The following KATNAL1 variants were observed in gnomAD, a reference collection of about 807,000 sequenced individuals.
KATNAL1 encodes katanin p60 ATPase-containing subunit A-like 1.
Under a neutral mutation model 55.2 loss-of-function variants are expected in KATNAL1, and 32 were observed. That is an observed-to-expected ratio of 0.58 (90% confidence interval 0.44 to 0.78). The LOEUF is 0.78. Ranked by LOEUF, KATNAL1 falls within the 30% of genes least tolerant of loss-of-function variation. The pLI, the probability that KATNAL1 is intolerant of heterozygous loss-of-function variation, is 0.00. For missense variants in KATNAL1, 466 were observed against 600.9 expected, an observed-to-expected ratio of 0.78 and a Z score of 2.35; for synonymous variants, 193 against 193.6, an observed-to-expected ratio of 1.00 and a Z score of 0.02.
At chr13:30,270,849 A>G (rs1357580125) in intron 3 of KATNAL1, among the ~76,000 whole-genome samples, 3 of 151,000 alleles carry the variant, frequency 2.0e-5, no homozygotes, top group Non-Finnish European at 4.4e-5. Context: ...CCTTCCCTCC[A>G]CTATTGTCCT....
chr13:30,273,225 G>A (rs1219929263), intron 3 of KATNAL1, among the ~76,000 whole-genome samples: 2 of 152,086 alleles, frequency 1.3e-5, no homozygotes, highest in Non-Finnish European at 2.9e-5. Flanking sequence ...CACTTTCCTG[G>A]CTCCCTTTTT....
chr13:30,293,423 A>G (rs976696609), intron 1 of KATNAL1, among the ~76,000 whole-genome samples: 41 of 152,204 alleles, frequency 2.7e-4, no homozygotes, highest in African/African-American at 9.4e-4. Context: ...AATACAGAAC[A>G]CTTCCAACTC....
At chr13:30,225,269 C>T (rs1176801256) in intron 9 of KATNAL1, among the ~76,000 whole-genome samples, 5 of 152,100 alleles carry the variant, frequency 3.3e-5, no homozygotes, top group African/African-American at 9.7e-5. Context: ...CCTAAGTGCC[C>T]TCCTTACTGA....
intron 6 of KATNAL1, among the ~76,000 whole-genome samples, chr13:30,240,100 T>C (rs1877112204): frequency 6.6e-6 from 1 of 150,930 alleles, no homozygotes; most frequent in Non-Finnish European, 1.5e-5. Context: ...TTCCAACTTT[T>C]GAAAACTGTT....
Position 30,283,669 on chromosome 13 carries a change from G to T in KATNAL1, c.109C>A (p.Gln37Lys). Residue 37 changes from glutamine (Q) to lysine (K), a missense_variant, in exon 2 of 11, where the codon CAG becomes AAG. By Grantham distance (53) the Gln-to-Lys change is moderately conservative. This residue lies in a region of KATNAL1 where 248 missense variants were observed against 275.5 expected (regional missense o/e 0.90). Transcript: ENST00000380615. ...VYYQGVMQQI[Q>K]RHCQSVRDPA... ...TCTCTGACTGACTGGCAATGTCTCT[G>T]AATCTGCTGCATCACCCCCTGGTAA... The T allele has an allele frequency of 6.2e-7, 1 of 1,613,832 alleles. No homozygotes were observed. Among genetic ancestry groups the T allele is most frequent in the Admixed American group, 1.7e-5 (1 of 60,000 alleles).
chr13:30,294,565 A>T (rs567036164), intron 1 of KATNAL1, among the ~76,000 whole-genome samples: 53 of 152,380 alleles, frequency 3.5e-4, no homozygotes, highest in African/African-American at 1.2e-3. Context: ...TCCATAACAC[A>T]AAAGTGCAAG....
chr13:30,224,850 T>C (rs974318687), intron 9 of KATNAL1, among the ~76,000 whole-genome samples: 4 of 152,196 alleles, frequency 2.6e-5, no homozygotes, highest in Non-Finnish European at 4.4e-5. Flanking sequence ...ATTTGTATTA[T>C]GCCAACTTAA....
intron 2 of KATNAL1, chr13:30,281,717 T>C (rs1881352302): frequency 6.6e-6 from 1 of 152,214 alleles, no homozygotes; most frequent in African/African-American, 2.4e-5. Flanking sequence ...CACTTGACTT[T>C]GTACTTTTAA....
At chr13:30,239,517 T>G (rs1877037181) in intron 6 of KATNAL1, among the ~76,000 whole-genome samples, 1 of 152,218 alleles carries the variant, frequency 6.6e-6, no homozygotes, top group African/African-American at 2.4e-5. Context: ...ATAGTTCTAT[T>G]CAAGAATTTT....
chr13:30,272,166 G>A lies in KATNAL1; in HGVS notation c.323+7897C>T, dbSNP rs183958194. Among the ~76,000 whole-genome samples the A allele has an allele frequency of 5.5e-4, 84 of 152,256 alleles. No homozygotes were observed. The East Asian group carries it at 0.014, about 25-fold the overall frequency. On this transcript the variant is annotated intron_variant, in intron 3 of 10. Coordinates refer to ENST00000380615, the MANE Select transcript of KATNAL1 (RefSeq NM_032116.5). The stretch of plus-strand genomic sequence containing the variant: ...TATAATCCCAGCACTTTGGGAGGCC[G>A]AGGCGGGCAGATCATGAGGTCAGGA...
chr13:30,301,842 A>G (rs1593192512), intron 1 of KATNAL1, among the ~76,000 whole-genome samples: 1 of 152,292 alleles, frequency 6.6e-6, no homozygotes, highest in South Asian at 2.1e-4. Flanking sequence ...CATCTGCTTC[A>G]TATTACTGTA....
chr13:30,295,438 A>G (rs1208437458), intron 1 of KATNAL1, among the ~76,000 whole-genome samples: 2 of 152,230 alleles, frequency 1.3e-5, no homozygotes, highest in African/African-American at 4.8e-5. Context: ...TGGAGCTTGT[A>G]GATGTGACTG....
At chr13:30,286,177 G>T (rs1422959213) in intron 1 of KATNAL1, among the ~76,000 whole-genome samples, 1 of 152,240 alleles carries the variant, frequency 6.6e-6, no homozygotes, top group East Asian at 1.9e-4. Flanking sequence ...GCCAGCTGCA[G>T]AAATTTGCAT....
At chr13:30,293,276 T>C (rs1168805415) in intron 1 of KATNAL1, among the ~76,000 whole-genome samples, 2 of 152,176 alleles carry the variant, frequency 1.3e-5, no homozygotes, top group Admixed American at 6.5e-5. Context: ...CTCAACTTTA[T>C]ATTATAATCC....
intron 1 of KATNAL1, chr13:30,296,706 G>A (rs1733547490): frequency 3.3e-6 from 2 of 598,190 alleles, no homozygotes; most frequent in East Asian, 3.8e-5. Context: ...CGTGGATGAC[G>A]GCGAGGAATA....
intron 9 of KATNAL1, among the ~76,000 whole-genome samples, chr13:30,220,035 T>C (rs1874688885): frequency 6.6e-6 from 1 of 152,228 alleles, no homozygotes; most frequent in Non-Finnish European, 1.5e-5. Context: ...GTTTGAATAA[T>C]GTGACTGACA....
intron 3 of KATNAL1, among the ~76,000 whole-genome samples, chr13:30,259,031 C>A (rs907462580): frequency 2.0e-5 from 3 of 152,190 alleles, no homozygotes; most frequent in African/African-American, 7.2e-5. Flanking sequence ...AGGCACTATG[C>A]TATACAACGT....
intron 9 of KATNAL1, among the ~76,000 whole-genome samples, chr13:30,226,967 T>G (rs1416531650): frequency 6.6e-6 from 1 of 152,008 alleles, no homozygotes; most frequent in Non-Finnish European, 1.5e-5. Flanking sequence ...TCCCAGCTAT[T>G]TGGAAGGCTA....
rs1305246727 is a variant in KATNAL1, at chr13:30,255,564, T to C, written c.375A>G (p.Lys125=). The change falls in exon 4 of 11, where the codon AAA becomes AAG. Residue 125 remains lysine, a synonymous_variant. Transcript: ENST00000380615. ...CCCGGGCTCCTACTCCTGCCATTTC[T>C]TTCCTCAGAGGTCTTACTTCTCGAT... is the stretch of plus-strand genomic sequence containing the variant. ...RPNREVRPLR[K]EMAGVGARGP... The C allele has an allele frequency of 6.3e-7, 1 of 1,587,412 alleles. No homozygotes were observed. The highest frequency in any genetic ancestry group is 1.4e-5 in the African/African-American group (1 of 73,116).
Sources: allele counts gnomAD v4.1 joint callset (sites outside exome capture counted in the v4.1 genomes callset), GRCh38; gene constraint gnomAD v4.1.1; regional missense constraint gnomAD v4.1.1; transcripts MANE v1.5; gene names NCBI Gene and HGNC (gene_info 2026-07-23, HGNC 2026-07-21).